PTPRZ1: variants seen among roughly 807,000 people sequenced by gnomAD.
PTPRZ1 encodes protein tyrosine phosphatase receptor type Z1.
PTPRZ1 carries 82 observed loss-of-function variants against 214.1 expected under a neutral mutation model. That is an observed-to-expected ratio of 0.38 (90% CI 0.32 to 0.46). PTPRZ1 has a LOEUF of 0.46. Ranked by LOEUF, PTPRZ1 falls within the 20% of genes least tolerant of loss-of-function variation. The pLI, the probability that PTPRZ1 is intolerant of heterozygous loss-of-function variation, is 1.00. For synonymous variants in PTPRZ1, 945 were observed against 987.9 expected (o/e 0.96, Z 0.81); for missense variants, 2,603 against 2,748.7 (o/e 0.95, Z 1.19).
intron 23 of PTPRZ1, 53 bp downstream of exon 23, chr7:122,044,621 C>A (rs1395502409): frequency 1.9e-6 from 3 of 1,566,662 alleles, no homozygotes; most frequent in Admixed American, 1.7e-5. Flanking sequence ...AATGTCCCTG[C>A]ATCTTCTCAT....
intron 1 of PTPRZ1, among the ~76,000 whole-genome samples, chr7:121,901,306 T>C (rs1453517729): frequency 1.3e-5 from 2 of 152,178 alleles, no homozygotes; most frequent in Non-Finnish European, 2.9e-5. Flanking sequence ...GGCAATGTTA[T>C]GTAAAGTTCA....
At chr7:121,896,151 T>A (rs1794777110) in intron 1 of PTPRZ1, among the ~76,000 whole-genome samples, 1 of 152,228 alleles carries the variant, frequency 6.6e-6, no homozygotes, top group African/African-American at 2.4e-5. Flanking sequence ...ATTCTGTAAT[T>A]GATATAGAGT....
chr7:121,908,839 A>G (rs1484706545), intron 1 of PTPRZ1: 1 of 489,038 alleles, frequency 2.0e-6, no homozygotes, highest in African/African-American at 2.0e-5. Flanking sequence ...GAAAGTCCAA[A>G]TATAGTTTTG....
At chr7:121,944,545 G>T (rs1427816440) in intron 2 of PTPRZ1, among the ~76,000 whole-genome samples, 1 of 152,040 alleles carries the variant, frequency 6.6e-6, no homozygotes, top group Admixed American at 6.6e-5. Context: ...CTTTGCTTCA[G>T]TAGCTGTTTG....
intron 8 of PTPRZ1, among the ~76,000 whole-genome samples, chr7:121,989,062 CTG>C (rs1401002561): frequency 6.6e-6 from 1 of 152,164 alleles, no homozygotes; most frequent in Admixed American, 6.5e-5. Context: ...CATTTTGACT[CTG>C]TTGATCCTCT....
At chr7:121,939,416 T>G (rs920746276) in intron 2 of PTPRZ1, among the ~76,000 whole-genome samples, 2 of 152,248 alleles carry the variant, frequency 1.3e-5, no homozygotes, top group African/African-American at 2.4e-5. Flanking sequence ...TCTTTCATAC[T>G]TCATTAGCAT....
intron 15 of PTPRZ1, among the ~76,000 whole-genome samples, chr7:122,033,442 A>T (rs1295797645): frequency 6.6e-6 from 1 of 151,778 alleles, no homozygotes; most frequent in African/African-American, 2.4e-5. Flanking sequence ...TATTTCTGAA[A>T]GCATATTAAC....
intron 1 of PTPRZ1, among the ~76,000 whole-genome samples, chr7:121,923,905 A>G (rs1355199689): frequency 6.6e-6 from 1 of 152,056 alleles, no homozygotes; most frequent in Non-Finnish European, 1.5e-5. Flanking sequence ...AGGTAAGTTC[A>G]AGGTGGAATG....
chr7:121,987,026 A>AT (rs1797780478), intron 8 of PTPRZ1, among the ~76,000 whole-genome samples: 1 of 152,304 alleles, frequency 6.6e-6, no homozygotes, highest in Non-Finnish European at 1.5e-5. Flanking sequence ...CTTAGACAAT[A>AT]TTGCTTATAT....
At chr7:121,962,955 A>G (rs983011873) in intron 2 of PTPRZ1, among the ~76,000 whole-genome samples, 1 of 152,126 alleles carries the variant, frequency 6.6e-6, no homozygotes, top group African/African-American at 2.4e-5. Context: ...AGTGCTTTGC[A>G]TGAAGAATCT....
At chr7:121,878,319 A>T (rs1243353009) in intron 1 of PTPRZ1, among the ~76,000 whole-genome samples, 1 of 152,204 alleles carries the variant, frequency 6.6e-6, no homozygotes, top group Non-Finnish European at 1.5e-5. Flanking sequence ...CAGACATGGA[A>T]CATCTCCATC....
intron 1 of PTPRZ1, among the ~76,000 whole-genome samples, chr7:121,911,357 A>G (rs1197628723): frequency 6.6e-6 from 1 of 152,058 alleles, no homozygotes; most frequent in African/African-American, 2.4e-5. Flanking sequence ...CTTCATTTTG[A>G]CTGTATATTT....
At position 122,012,583 on chromosome 7, in the gene PTPRZ1, A is replaced by T; in HGVS notation, c.3537A>T (p.Glu1179Asp). The T allele has an allele frequency of 6.2e-7, 1 of 1,613,162 alleles. No individual in the cohort carries two copies. Among genetic ancestry groups the T allele is most frequent in the Non-Finnish European group, 8.5e-7 (1 of 1,179,098 alleles). The change falls in exon 12 of 30, where the codon GAA becomes GAT. Residue 1179 changes from glutamate (E) to aspartate (D), a missense_variant. Coordinates refer to ENST00000393386, the MANE Select transcript of PTPRZ1 (RefSeq NM_002851.3). ...FYETSASFST[E>D]VLLQPSFQAS... is the part of the protein sequence containing the mutation. ...AGACCTCAGCTTCTTTTAGTACTGA[A>T]GTATTGCTACAACCTTCCTTTCAGG...
rs117948250 is a variant in PTPRZ1, at chr7:121,887,387, A to T, written c.58+13830A>T. Among the ~76,000 whole-genome samples the T allele has an allele frequency of 1.8e-3, 267 of 152,230 alleles. 6 individuals are homozygous for T. In the East Asian group the frequency reaches 0.038, roughly 22 times the overall value. ...GTACCCCCATTTGGCAGAGTAAGCA[A>T]CTCGAGATCACATTTGCAGCATTTG... On this transcript the variant is annotated intron_variant, in intron 1 of 29. Transcript: ENST00000393386.
intron 1 of PTPRZ1, among the ~76,000 whole-genome samples, chr7:121,879,606 C>T (rs913414034): frequency 1.3e-5 from 2 of 152,120 alleles, no homozygotes; most frequent in Non-Finnish European, 2.9e-5. Flanking sequence ...GGATGTGCTA[C>T]ACAAGTTTAA....
intron 1 of PTPRZ1, among the ~76,000 whole-genome samples, chr7:121,915,909 G>C (rs1163795449): frequency 6.6e-6 from 1 of 152,082 alleles, no homozygotes; most frequent in Non-Finnish European, 1.5e-5. Context: ...CCTAGACTTA[G>C]AGAGAAACAT....
At chr7:121,930,871 A>G (rs1395457560) in intron 2 of PTPRZ1, among the ~76,000 whole-genome samples, 2 of 152,198 alleles carry the variant, frequency 1.3e-5, no homozygotes, top group African/African-American at 2.4e-5. Flanking sequence ...GCCCCTAATA[A>G]TTATGAGAAA....
At chr7:121,966,609 A>T (rs1163384451) in intron 2 of PTPRZ1, among the ~76,000 whole-genome samples, 2 of 152,162 alleles carry the variant, frequency 1.3e-5, no homozygotes, top group Non-Finnish European at 2.9e-5. Context: ...CTTTAAGATG[A>T]TTTTCAGTAC....
At chr7:121,936,371 G>A (rs1206513) in intron 2 of PTPRZ1, among the ~76,000 whole-genome samples, 3,558 of 152,308 alleles carry the variant, frequency 0.023, 90 homozygotes, top group African/African-American at 0.06. Context: ...GGAGGAATGT[G>A]TATATGGCTG....
Sources: gnomAD v4.1 joint callset for allele counts (sites outside exome capture counted in the v4.1 genomes callset) on GRCh38, gnomAD v4.1.1 for gene constraint, MANE v1.5 for transcripts, NCBI Gene and HGNC (gene_info 2026-07-23, HGNC 2026-07-21) for gene names.